Variants in POLA2 observed in about 807,000 individuals in gnomAD.
The protein encoded by POLA2 is DNA polymerase alpha subunit B.
In POLA2, 47 loss-of-function variants were observed where a neutral mutation model predicts 82.8. The observed-to-expected ratio is 0.57, with a 90% CI of 0.45 to 0.72. The LOEUF (loss-of-function observed/expected upper bound fraction) is 0.72, where lower values mean the gene tolerates loss of function less well. Ranked by LOEUF, POLA2 falls within the 30% of genes least tolerant of loss-of-function variation. The pLI is 0.00. For missense variants in POLA2, 634 were observed against 728.1 expected, an observed-to-expected ratio of 0.87 and a Z score of 1.49; for synonymous variants, 287 against 286.8, an observed-to-expected ratio of 1.00 and a Z score of -0.01.
intron 4 of POLA2, among the ~76,000 whole-genome samples, chr11:65,274,315 C>T (rs941249504): frequency 1.3e-5 from 2 of 150,838 alleles, no homozygotes; most frequent in African/African-American, 4.9e-5. Context: ...TGCAGTGAGC[C>T]GAGATCGCAC....
In POLA2 at chr11:65,262,081, C is replaced by A; in HGVS notation, c.-212C>A. The stretch of plus-strand genomic sequence containing the variant: ...CATTCAGGGCGTTTGGGAGCCACCC[C>A]TTCATTTTTTAAAAAAAGTATTTCT... On this transcript the variant is annotated 5_prime_UTR_variant, in exon 1 of 18. Transcript: ENST00000265465. 1 of 554,654 alleles carries A rather than the reference C, an allele frequency of 1.8e-6. No homozygotes were observed. The highest frequency in any genetic ancestry group is 3.2e-6 in the Non-Finnish European group (1 of 314,364). The allele number at this position is 554,654 out of a possible 1,614,324, so 34.4% of individuals were successfully genotyped here. A position where few individuals can be genotyped will look rare whatever the true frequency, so the allele number is the denominator to read the frequency against.
At chr11:65,291,105 C>T (rs1949750707) in intron 13 of POLA2, among the ~76,000 whole-genome samples, 1 of 152,234 alleles carries the variant, frequency 6.6e-6, no homozygotes, top group Non-Finnish European at 1.5e-5. Context: ...CTGACATCCT[C>T]CATTCCTGTC....
intron 1 of POLA2, among the ~76,000 whole-genome samples, chr11:65,263,118 T>A (rs1303145473): frequency 1.3e-5 from 2 of 152,102 alleles, no homozygotes; most frequent in Non-Finnish European, 2.9e-5. Flanking sequence ...ACTTTGAACT[T>A]CTTATATACA....
intron 4 of POLA2, among the ~76,000 whole-genome samples, chr11:65,271,562 A>G (rs748465646): frequency 6.6e-6 from 1 of 152,156 alleles, no homozygotes; most frequent in Non-Finnish European, 1.5e-5. Context: ...TTGTGAATCA[A>G]AGTTTGTGAC....
intron 4 of POLA2, among the ~76,000 whole-genome samples, chr11:65,273,427 T>C (rs946784124): frequency 6.6e-6 from 1 of 152,062 alleles, no homozygotes; most frequent in African/African-American, 2.4e-5. Flanking sequence ...GGTACTGGAG[T>C]TGGTGAACAC....
At chr11:65,303,198 C>T (rs1005000953), downstream of POLA2, among the ~76,000 whole-genome samples, 5 of 151,954 alleles carry the variant, frequency 3.3e-5, no homozygotes, top group Non-Finnish European at 5.9e-5. Flanking sequence ...AAAAATTGGC[C>T]GGGCATGGTG....
chr11:65,285,626 G>T (rs1184075676), intron 10 of POLA2, among the ~76,000 whole-genome samples: 1 of 151,928 alleles, frequency 6.6e-6, no homozygotes, highest in African/African-American at 2.4e-5. Context: ...ATTTATAGGG[G>T]GCAAGGGTGG....
At chr11:65,275,667 G>A (rs376626197) in intron 4 of POLA2, among the ~76,000 whole-genome samples, 1 of 152,168 alleles carries the variant, frequency 6.6e-6, no homozygotes, top group African/African-American at 2.4e-5. Flanking sequence ...TTGCTTTCTC[G>A]TAATTGCCTT....
At chr11:65,296,151 G>T in intron 17 of POLA2, 161 bp downstream of exon 17, 19 of 678,988 alleles carry the variant, frequency 2.8e-5, no homozygotes, top group East Asian at 5.4e-5. Flanking sequence ...GGTGGGACCA[G>T]AAAACAAACA....
At chr11:65,264,356 A>G (rs1949434892) in intron 1 of POLA2, among the ~76,000 whole-genome samples, 2 of 152,068 alleles carry the variant, frequency 1.3e-5, no homozygotes, top group South Asian at 4.2e-4. Flanking sequence ...GGTGTGAGCC[A>G]CCACACCTGT....
At chr11:65,293,521 T>C (rs1040896480) in intron 13 of POLA2, among the ~76,000 whole-genome samples, 1 of 149,760 alleles carries the variant, frequency 6.7e-6, no homozygotes, top group Non-Finnish European at 1.5e-5. Context: ...GAGACACAAG[T>C]ATCACTTGAA....
intron 4 of POLA2, among the ~76,000 whole-genome samples, chr11:65,273,863 G>A (rs1240294551): frequency 2.0e-5 from 3 of 151,896 alleles, no homozygotes; most frequent in African/African-American, 7.3e-5. Context: ...AAACTCTTCT[G>A]AAGAAATAAT....
rs1222669376 is a variant in POLA2 at position 65,275,162 on chromosome 11, C to T, written c.355-730C>T. Among the ~76,000 whole-genome samples the T allele has an allele frequency of 2.6e-5, 4 of 152,086 alleles. No homozygotes were observed. The East Asian group carries it at 7.7e-4, about 29-fold the overall frequency. On this transcript the variant is annotated intron_variant, in intron 4 of 17. Coordinates refer to ENST00000265465, the MANE Select transcript of POLA2 (RefSeq NM_002689.4). ...CAGTTGCCACCAGCTGACCACTCTG[C>T]AATATAACTTCTTAAACTTGCAGCC...
chr11:65,275,823 A>AG lies in POLA2; in HGVS notation c.355-67dup. ...TGGACATGTTCTCCCTTTTCTTCCA[A>AG]GGTACTATACACTTAATTAGTATTG... On this transcript the variant is annotated intron_variant, in intron 4 of 17. Coordinates refer to ENST00000265465, the MANE Select transcript of POLA2 (RefSeq NM_002689.4). 3 of 800,344 alleles carry AG rather than the reference A, an allele frequency of 3.7e-6. No individual in the cohort carries two copies. In the East Asian group the frequency reaches 8.5e-5, roughly 23 times the overall value. The allele number at this position is 800,344 out of a possible 1,614,324, so 49.6% of individuals were successfully genotyped here. A position where few individuals can be genotyped will look rare whatever the true frequency, so the allele number is the denominator to read the frequency against.
chr11:65,280,655 T>C (rs188797866), intron 7 of POLA2: 112 of 291,794 alleles, frequency 3.8e-4, no homozygotes, highest in African/African-American at 2.3e-3. Flanking sequence ...TAAGTAGTTA[T>C]AGCTGCCCAA....
Position 65,280,994 on chromosome 11 carries a change from G to T in POLA2, c.747G>T (p.Glu249Asp). ...AFTPLLAPAQ[E>D]PVTLLGQIGC... ...ATGCTGTGACCTTCCTTTGGTAGGAGCCTGTCACTCTGCTGGGCCAGATTG... is the reference window on the plus strand; with the variant it reads ...ATGCTGTGACCTTCCTTTGGTAGGATCCTGTCACTCTGCTGGGCCAGATTG... The change falls in exon 8 of 18, where the codon GAG becomes GAT. Residue 249 changes from glutamate to aspartate, a missense_variant and splice_region_variant. Physicochemically the swap from Glu to Asp is conservative, Grantham distance 45 (BLOSUM62 2). Coordinates refer to ENST00000265465, the MANE Select transcript of POLA2 (RefSeq NM_002689.4). 1 of 1,613,592 alleles carries T rather than the reference G, an allele frequency of 6.2e-7. No individual in the cohort carries two copies. The highest frequency in any genetic ancestry group is 8.5e-7 in the Non-Finnish European group (1 of 1,179,948).
At chr11:65,280,421 G>A (rs1438391750) in intron 7 of POLA2, 2 of 152,842 alleles carry the variant, frequency 1.3e-5, no homozygotes, top group African/African-American at 4.8e-5. Context: ...TATGGCTCTA[G>A]AGCCAAATTT....
intron 10 of POLA2, among the ~76,000 whole-genome samples, chr11:65,287,037 G>C (rs922114813): frequency 5.9e-5 from 9 of 152,316 alleles, no homozygotes; most frequent in Admixed American, 4.6e-4. Context: ...CAAGATTGCA[G>C]ACCCTGGGAG....
rs1488995063 is a variant in POLA2, at chr11:65,294,587, C to T, written c.1395C>T (p.Asn465=). ...CCGAGCCCTGCAGCCTCTCCATAAA[C>T]GGAGTGATCTTCGGCTTGACATCCA... ...FVSEPCSLSI[N]GVIFGLTSTD... The change falls in exon 15 of 18, where the codon AAC becomes AAT. Residue 465 remains asparagine, a synonymous_variant. Transcript: ENST00000265465. The T allele has an allele frequency of 4.3e-6, 7 of 1,614,082 alleles. No homozygotes were observed. The highest frequency in any genetic ancestry group is 3.3e-5 in the Admixed American group (2 of 60,010).
Sources: allele counts gnomAD v4.1 joint callset (sites outside exome capture counted in the v4.1 genomes callset), GRCh38; gene constraint gnomAD v4.1.1; transcripts MANE v1.5; gene names NCBI Gene and HGNC (gene_info 2026-07-23, HGNC 2026-07-21).